RAB2A: variants seen among roughly 807,000 people sequenced by gnomAD.
The protein encoded by RAB2A is RAB2A, member RAS oncogene family, also known as ras-related protein Rab-2A.
Under a neutral mutation model 32.5 loss-of-function variants are expected in RAB2A, and 7 were observed. That is an observed-to-expected ratio of 0.22 (90% CI 0.12 to 0.40). The LOEUF (loss-of-function observed/expected upper bound fraction) is 0.40, where lower values mean the gene tolerates loss of function less well. Among genes scored for constraint, RAB2A ranks in the 10% least tolerant of loss-of-function variants. RAB2A has a pLI of 1.00. For missense variants in RAB2A, 108 were observed against 260.7 expected, an observed-to-expected ratio of 0.41 and a Z score of 4.03; for synonymous variants, 79 against 85.2, an observed-to-expected ratio of 0.93 and a Z score of 0.40.
At chr8:60,547,911 G>A (rs1461707757) in intron 1 of RAB2A, among the ~76,000 whole-genome samples, 1 of 117,342 alleles carries the variant, frequency 8.5e-6, no homozygotes, top group African/African-American at 3.6e-5. Context: ...CGGACGGGGC[G>A]GCTGGCCGGG....
In RAB2A at chr8:60,584,326, T is replaced by TA. The variant is rs1240245943; in HGVS notation, c.269+37dup. On this transcript the variant is annotated intron_variant, in intron 4 of 7. Coordinates refer to ENST00000262646, the MANE Select transcript of RAB2A (RefSeq NM_002865.3). ...GAAAACTTTGCAATTCAGTAGTTGA[T>TA]ACAGAGAATTTTTCTAAATAGATGT... 8.0e-6 allele frequency: 12 copies of TA among 1,498,578 alleles called. No homozygotes were observed. In the African/African-American group the frequency reaches 1.5e-4, roughly 19 times the overall value. The allele number at this position is 1,498,578 out of a possible 1,614,324, so 92.8% of individuals were successfully genotyped here.
intron 1 of RAB2A, among the ~76,000 whole-genome samples, chr8:60,540,048 T>C (rs1288856348): frequency 6.6e-6 from 1 of 151,658 alleles, no homozygotes; most frequent in African/African-American, 2.4e-5. Context: ...GTGGAATGCA[T>C]TGAAGTTTTT....
intron 1 of RAB2A, among the ~76,000 whole-genome samples, chr8:60,517,743 G>A (rs769847810): frequency 5.3e-5 from 8 of 152,050 alleles, no homozygotes; most frequent in Admixed American, 3.3e-4. Flanking sequence ...GCGCTTTTTG[G>A]CGTGGGACAG....
At chr8:60,612,199 A>G (rs1012674613) in intron 6 of RAB2A, among the ~76,000 whole-genome samples, 1 of 151,884 alleles carries the variant, frequency 6.6e-6, no homozygotes, top group African/African-American at 2.4e-5. Flanking sequence ...TTATTGTTCA[A>G]CTCCCACTTA....
chr8:60,611,359 T>C (rs1804345391), intron 6 of RAB2A, among the ~76,000 whole-genome samples: 1 of 152,230 alleles, frequency 6.6e-6, no homozygotes, highest in South Asian at 2.1e-4. Flanking sequence ...TGCTCCTCTG[T>C]CCAGAATGCC....
chr8:60,570,932 A>T (rs1301287409), intron 2 of RAB2A, among the ~76,000 whole-genome samples: 1 of 152,206 alleles, frequency 6.6e-6, no homozygotes. Context: ...TTTTTCTGAC[A>T]GGATGACATT....
At chr8:60,526,020 CATATATATATATATATATATATATATAT>C (rs146162692) in intron 1 of RAB2A, among the ~76,000 whole-genome samples, 7 of 92,356 alleles carry the variant, frequency 7.6e-5, no homozygotes, top group Non-Finnish European at 1.5e-4. Context: ...TGTGTGTGTA[CATATATATATATATATATATATATATAT>C]ATATATATAA....
chr8:60,547,965 C>T (rs1305530351), intron 1 of RAB2A, among the ~76,000 whole-genome samples: 1 of 69,312 alleles, frequency 1.4e-5, no homozygotes, highest in African/African-American at 6.9e-5. Flanking sequence ...CGGGCAGAGG[C>T]GCCCCTCACT....
rs1219372315 is a variant in RAB2A, at chr8:60,608,930, A to G, written c.475-9650A>G. ...CTGTTATTGTTTCTGCCTATTAAAT[A>G]TCTCTCCAAATTGTCTTCTGTCATA... On this transcript the variant is annotated intron_variant, in intron 6 of 7. Coordinates refer to ENST00000262646, the MANE Select transcript of RAB2A (RefSeq NM_002865.3). Among the ~76,000 whole-genome samples, 7 of 152,300 alleles carry G rather than the reference A, an allele frequency of 4.6e-5. No individual in the cohort carries two copies. The East Asian group carries it at 1.3e-3, about 29-fold the overall frequency.
chr8:60,591,583 G>A, intron 5 of RAB2A: 1 of 229,074 alleles, frequency 4.4e-6, no homozygotes, highest in South Asian at 9.7e-5. Context: ...AAAGATATAA[G>A]GTATTAGACT....
In RAB2A at chr8:60,548,839, C is replaced by T. The variant is rs375842553; in HGVS notation, c.47-10013C>T. Reference sequence around the variant, plus strand: ...GGGGCTGACCCCCCCACCTCCCTCCCGGACGAGGTGGCTGCCGGGCAGAGA... The same window carrying T: ...GGGGCTGACCCCCCCACCTCCCTCCTGGACGAGGTGGCTGCCGGGCAGAGA... On this transcript the variant is annotated intron_variant, in intron 1 of 7. Transcript: ENST00000262646. Among the ~76,000 whole-genome samples the T allele has an allele frequency of 1.9e-4, 28 of 151,324 alleles. No individual in the cohort carries two copies. In the East Asian group the frequency reaches 4.2e-3, roughly 23 times the overall value.
At chr8:60,618,485 C>A (rs1308338309) in intron 6 of RAB2A, 95 bp from the exon 7 acceptor site, 2 of 539,028 alleles carry the variant, frequency 3.7e-6, no homozygotes, top group Non-Finnish European at 5.5e-6. Context: ...GATTGACTTT[C>A]ATATGTTGAA....
intron 1 of RAB2A, among the ~76,000 whole-genome samples, chr8:60,548,667 C>T (rs1405536725): frequency 1.0e-4 from 15 of 146,922 alleles, no homozygotes; most frequent in African/African-American, 3.6e-4. Flanking sequence ...CCCTCCCGGA[C>T]GGAGTGGCTG....
At chr8:60,581,949 T>C (rs1803764080) in intron 3 of RAB2A, among the ~76,000 whole-genome samples, 1 of 150,164 alleles carries the variant, frequency 6.7e-6, no homozygotes, top group Non-Finnish European at 1.5e-5. Flanking sequence ...TTTCTTTCTT[T>C]TTTTTTTTTT....
chr8:60,591,877 G>C lies in RAB2A; in HGVS notation c.382G>C (p.Glu128Gln), dbSNP rs1803950032. ...GTTTAGTGATTTAGAATCTAGAAGA[G>C]AAGTAAAAAAAGAAGAAGGTGAAGC... Reference protein sequence around the residue: ...GNKSDLESRREVKKEEGEAFA... With the variant: ...GNKSDLESRRQVKKEEGEAFA... Residue 128 changes from glutamate (E) to glutamine (Q), a missense_variant, in exon 6 of 8, where the codon GAA becomes CAA. Glu to Gln is a conservative substitution (Grantham distance 29). Around this residue, in one of 4 missense-constraint regions of RAB2A, gnomAD observed 79 missense variants for 199.8 expected, o/e 0.40. Coordinates refer to ENST00000262646, the MANE Select transcript of RAB2A (RefSeq NM_002865.3). 1 of 1,609,928 alleles carries C rather than the reference G, an allele frequency of 6.2e-7. No homozygotes were observed. The highest frequency in any genetic ancestry group is 8.5e-7 in the Non-Finnish European group (1 of 1,176,792).
intron 5 of RAB2A, among the ~76,000 whole-genome samples, chr8:60,590,445 G>A (rs1803921389): frequency 1.3e-5 from 2 of 149,326 alleles, no homozygotes; most frequent in South Asian, 2.1e-4. Flanking sequence ...CAAGACCAGC[G>A]TGAGCAACAT....
At chr8:60,603,997 C>T (rs1804181684) in intron 6 of RAB2A, among the ~76,000 whole-genome samples, 2 of 152,164 alleles carry the variant, frequency 1.3e-5, no homozygotes, top group Non-Finnish European at 2.9e-5. Flanking sequence ...TTCTAATCCC[C>T]ATTGTTGGAG....
At chr8:60,549,552 C>T (rs567543266) in intron 1 of RAB2A, among the ~76,000 whole-genome samples, 9 of 148,956 alleles carry the variant, frequency 6.0e-5, no homozygotes, top group African/African-American at 1.7e-4. Flanking sequence ...GGAGCTACTT[C>T]ACATGGAATG....
At chr8:60,612,227 TG>T (rs1338467809) in intron 6 of RAB2A, among the ~76,000 whole-genome samples, 1 of 152,218 alleles carries the variant, frequency 6.6e-6, no homozygotes. Flanking sequence ...GAATATGCAG[TG>T]TTTGGTTTTC....
Sources: gnomAD v4.1 joint callset for allele counts (sites outside exome capture counted in the v4.1 genomes callset) on GRCh38, gnomAD v4.1.1 for gene constraint, gnomAD v4.1.1 regional missense constraint, MANE v1.5 for transcripts, NCBI Gene and HGNC (gene_info 2026-07-23, HGNC 2026-07-21) for gene names.